Variants in TRAPPC8 observed in about 807,000 individuals in gnomAD.
TRAPPC8 encodes the protein general sporulation gene 1 homolog.
TRAPPC8 carries 54 observed loss-of-function variants against 174.3 expected under a neutral mutation model. That is an observed-to-expected ratio of 0.31 (90% CI 0.25 to 0.39). The LOEUF (loss-of-function observed/expected upper bound fraction) is 0.39, where lower values mean the gene tolerates loss of function less well. Among genes scored for constraint, TRAPPC8 ranks in the 10% least tolerant of loss-of-function variants. The probability of loss-of-function intolerance (pLI) is 1.00; values close to 1 mark genes in which losing one functional copy is unlikely to be tolerated. For missense variants in TRAPPC8, 1,531 were observed against 1,699.1 expected, an observed-to-expected ratio of 0.90 and a Z score of 1.74; for synonymous variants, 630 against 579.9, an observed-to-expected ratio of 1.09 and a Z score of -1.24.
At chr18:31,922,114 G>GA (rs2037416485) in intron 2 of TRAPPC8, among the ~76,000 whole-genome samples, 4 of 151,564 alleles carry the variant, frequency 2.6e-5, no homozygotes, top group African/African-American at 4.8e-5. Flanking sequence ...TGTTTGAGGG[G>GA]AAAAAAAAGA....
intron 1 of TRAPPC8, among the ~76,000 whole-genome samples, chr18:31,938,970 C>T (rs1017250646): frequency 2.0e-5 from 3 of 150,758 alleles, no homozygotes; most frequent in Admixed American, 6.7e-5. Context: ...GTCCCAGCTA[C>T]TCGGGAGGCT....
chr18:31,924,083 A>G (rs1197156267), intron 2 of TRAPPC8, among the ~76,000 whole-genome samples: 1 of 152,162 alleles, frequency 6.6e-6, no homozygotes, highest in Non-Finnish European at 1.5e-5. Context: ...CAGGAGTTTG[A>G]GACCAGCCTG....
At chr18:31,852,364 A>T in intron 24 of TRAPPC8, 82 bp downstream of exon 24, 1 of 1,509,510 alleles carries the variant, frequency 6.6e-7, no homozygotes. Flanking sequence ...TTTGGGAATT[A>T]CTGCGATAAG....
Position 31,830,625 on chromosome 18 carries a change from CAAGTCA to C in TRAPPC8, c.*124_*129del. ...GTGCTTTGCATCATCAACAAAATGA[CAAGTCA>C]AAGTATTTTGCAGGGATCAGATATC... On this transcript the variant is annotated 3_prime_UTR_variant, in exon 29 of 29. Transcript: ENST00000283351. 1.4e-6 allele frequency: 1 copy of C among 725,834 alleles called. No individual in the cohort carries two copies. The highest frequency in any genetic ancestry group is 2.2e-6 in the Non-Finnish European group (1 of 451,640). 45.0% of individuals were successfully genotyped at this position (725,834 alleles called of 1,614,324 possible). A position where few individuals can be genotyped will look rare whatever the true frequency, so the allele number is the denominator to read the frequency against.
rs771435324 is a variant in TRAPPC8 at position 31,857,642 on chromosome 18, G to A, written c.3086C>T (p.Ser1029Leu). 1 of 1,614,126 alleles carries A rather than the reference G, an allele frequency of 6.2e-7. No homozygotes were observed. Among genetic ancestry groups the A allele is most frequent in the Non-Finnish European group, 8.5e-7 (1 of 1,180,014 alleles). Reference sequence around the variant, plus strand: ...ACGTAACCACATTGGCAGCTGCACTGAGGCTCCGGGTAGAAGAACAGTGTC... The same window carrying A: ...ACGTAACCACATTGGCAGCTGCACTAAGGCTCCGGGTAGAAGAACAGTGTC... ...LPDTVLLPGASVQLPMWLRGP... is the reference protein window; with the variant it reads ...LPDTVLLPGALVQLPMWLRGP... Residue 1029 changes from serine to leucine, a missense_variant, in exon 20 of 29, where the codon TCA becomes TTA. Ser to Leu is a moderately radical substitution (Grantham distance 145, BLOSUM62 -2). Transcript: ENST00000283351.
At chr18:31,932,866 C>T (rs2037907398) in intron 1 of TRAPPC8, among the ~76,000 whole-genome samples, 1 of 151,964 alleles carries the variant, frequency 6.6e-6, no homozygotes, top group Admixed American at 6.6e-5. Flanking sequence ...CCTGTAATCC[C>T]AGCTACTGGG....
At chr18:31,880,777 T>G (rs763077557) in intron 12 of TRAPPC8, among the ~76,000 whole-genome samples, 3 of 152,114 alleles carry the variant, frequency 2.0e-5, no homozygotes, top group Non-Finnish European at 4.4e-5. Flanking sequence ...CTAAAGACAG[T>G]AGTCATTAGG....
At chr18:31,942,465 G>A (rs113182328) in intron 1 of TRAPPC8, 143 bp downstream of exon 1, 2 of 1,121,878 alleles carry the variant, frequency 1.8e-6, no homozygotes, top group Non-Finnish European at 1.2e-6. Flanking sequence ...CGCCCCCGGA[G>A]CACCGCGGGG....
rs34167680 is a variant in TRAPPC8, at chr18:31,855,815, T to TAAAAAAAAAAAAA, written c.3189-21_3189-9dup. The TAAAAAAAAAAAAA allele has an allele frequency of 1.6e-6, 2 of 1,233,514 alleles. No homozygotes were observed. The highest frequency in any genetic ancestry group is 3.3e-5 in the African/African-American group (2 of 60,498). The allele number at this position is 1,233,514 out of a possible 1,614,324, so 76.4% of individuals were successfully genotyped here. The stretch of plus-strand genomic sequence containing the variant: ...TGTCTTAATATTCTGTGCCTGAAGT[T>TAAAAAAAAAAAAA]AAAAAAAAAAAAAAAAGCACATTTA... On this transcript the variant is annotated splice_polypyrimidine_tract_variant and intron_variant, in intron 20 of 28. Coordinates refer to ENST00000283351, the MANE Select transcript of TRAPPC8 (RefSeq NM_014939.5).
chr18:31,899,027 A>G (rs2036298206), intron 10 of TRAPPC8, among the ~76,000 whole-genome samples: 1 of 152,186 alleles, frequency 6.6e-6, no homozygotes, highest in African/African-American at 2.4e-5. Context: ...AAATTACTAT[A>G]CTGACTTGTC....
At chr18:31,912,540 A>T (rs2036958991) in intron 5 of TRAPPC8, among the ~76,000 whole-genome samples, 1 of 152,044 alleles carries the variant, frequency 6.6e-6, no homozygotes, top group Non-Finnish European at 1.5e-5. Context: ...GGACGCCTGT[A>T]ATCCCAGTTA....
chr18:31,902,039 G>C (rs1408615633), intron 9 of TRAPPC8, among the ~76,000 whole-genome samples: 1 of 152,212 alleles, frequency 6.6e-6, no homozygotes, highest in Non-Finnish European at 1.5e-5. Flanking sequence ...AACTGGCCGG[G>C]TGTGGTGACG....
chr18:31,872,944 A>C (rs1310773210), intron 14 of TRAPPC8, among the ~76,000 whole-genome samples: 1 of 151,384 alleles, frequency 6.6e-6, no homozygotes, highest in African/African-American at 2.4e-5. Context: ...AAAGAGAAAC[A>C]CCAAAATAGT....
chr18:31,909,086 GAAA>G, intron 6 of TRAPPC8, 76 bp from the exon 7 acceptor site: 1 of 958,672 alleles, frequency 1.0e-6, no homozygotes, highest in Non-Finnish European at 1.4e-6. Context: ...TACTGCTAAA[GAAA>G]AAAAAAAAGC....
intron 12 of TRAPPC8, among the ~76,000 whole-genome samples, chr18:31,876,489 C>CA (rs71175801): frequency 0.015 from 702 of 48,280 alleles, 44 homozygotes; most frequent in East Asian, 0.033. Context: ...GACTCCATCT[C>CA]AAAAAAAAAA....
rs148809956 is a variant in TRAPPC8, at chr18:31,885,724, G to A, written c.1728+5011C>T. On this transcript the variant is annotated intron_variant, in intron 12 of 28. Coordinates refer to ENST00000283351, the MANE Select transcript of TRAPPC8 (RefSeq NM_014939.5). ...AAATACAAAAAAAAATTAGCCAGGC[G>A]TGGTGCATGCCCGTAATCCCAGCTA... is the stretch of plus-strand genomic sequence containing the variant. Among the ~76,000 whole-genome samples the A allele has an allele frequency of 7.2e-3, 1,092 of 151,666 alleles. 14 individuals are homozygous for A. The highest frequency in any genetic ancestry group is 0.025 in the African/African-American group (1,049 of 41,382).
At chr18:31,884,484 T>C (rs1256424450) in intron 12 of TRAPPC8, among the ~76,000 whole-genome samples, 3 of 152,224 alleles carry the variant, frequency 2.0e-5, no homozygotes, top group Non-Finnish European at 4.4e-5. Flanking sequence ...TTGGTATTCT[T>C]TTCTTCTGGC....
intron 3 of TRAPPC8, 113 bp downstream of exon 3, chr18:31,917,465 A>G (rs2037196421): frequency 1.1e-6 from 1 of 919,974 alleles, no homozygotes; most frequent in Non-Finnish European, 1.6e-6. Flanking sequence ...AATCTATAAA[A>G]AATAATTTAT....
At chr18:31,931,748 T>C (rs145231774) in intron 1 of TRAPPC8, among the ~76,000 whole-genome samples, 1 of 152,260 alleles carries the variant, frequency 6.6e-6, no homozygotes, top group East Asian at 1.9e-4. Flanking sequence ...CTCTCACTAC[T>C]GCTCAGCTTT....
Sources: gnomAD v4.1 joint callset for allele counts (sites outside exome capture counted in the v4.1 genomes callset) on GRCh38, gnomAD v4.1.1 for gene constraint, MANE v1.5 for transcripts, NCBI Gene and HGNC (gene_info 2026-07-23, HGNC 2026-07-21) for gene names.